Variants in RBFOX1 observed in about 807,000 individuals in gnomAD.
RBFOX1 encodes RNA binding protein fox-1 homolog 1.
RBFOX1 carries 8 observed loss-of-function variants against 57.7 expected under a neutral mutation model. The observed-to-expected ratio is 0.14, with a 90% confidence interval of 0.08 to 0.25. RBFOX1 has a LOEUF of 0.25. Among genes scored for constraint, RBFOX1 ranks in the 10% least tolerant of loss-of-function variants. RBFOX1 has a pLI of 1.00. For missense variants in RBFOX1, 611 were observed against 548.5 expected (o/e 1.11, Z -1.14); for synonymous variants, 326 against 222.4 (o/e 1.47, Z -4.15).
At chr16:5,504,915 G>A (rs533641908) in intron 2 of RBFOX1, among the ~76,000 whole-genome samples, 5 of 152,272 alleles carry the variant, frequency 3.3e-5, no homozygotes, top group South Asian at 2.1e-4. Context: ...GAGACAGACA[G>A]TGAATCCCTA....
intron 1 of RBFOX1, among the ~76,000 whole-genome samples, chr16:6,118,601 C>G (rs984138846): frequency 2.6e-5 from 4 of 151,782 alleles, no homozygotes; most frequent in Admixed American, 2.6e-4. Context: ...CCCTCTCTTT[C>G]TCTGTCTCTC....
At chr16:7,661,119 G>A (rs2067610790) in intron 12 of RBFOX1, among the ~76,000 whole-genome samples, 1 of 152,142 alleles carries the variant, frequency 6.6e-6, no homozygotes, top group Admixed American at 6.5e-5. Flanking sequence ...GAAAAACAAT[G>A]TTTTGGTAAA....
chr16:7,111,086 G>A (rs1157621658), intron 4 of RBFOX1, among the ~76,000 whole-genome samples: 1 of 152,138 alleles, frequency 6.6e-6, no homozygotes, highest in Non-Finnish European at 1.5e-5. Context: ...AAATAACTGT[G>A]GTTCACTATG....
intron 4 of RBFOX1, among the ~76,000 whole-genome samples, chr16:7,368,389 C>T (rs2097503120): frequency 6.6e-6 from 1 of 151,898 alleles, no homozygotes; most frequent in Non-Finnish European, 1.5e-5. Context: ...TGAAAGTTTA[C>T]GTATTACCAG....
chr16:7,241,241 T>G (rs565889367), intron 4 of RBFOX1, among the ~76,000 whole-genome samples: 5 of 152,282 alleles, frequency 3.3e-5, no homozygotes, highest in African/African-American at 9.6e-5. Flanking sequence ...TTTATTCTCA[T>G]TAGCTGAATT....
intron 3 of RBFOX1, among the ~76,000 whole-genome samples, chr16:7,013,419 A>C (rs1293348268): frequency 2.0e-5 from 3 of 152,294 alleles, no homozygotes; most frequent in East Asian, 3.9e-4. Flanking sequence ...ATGTCTGGAG[A>C]CATGTTTGGT....
At chr16:6,178,634 A>G (rs1471969477) in intron 1 of RBFOX1, among the ~76,000 whole-genome samples, 1 of 152,168 alleles carries the variant, frequency 6.6e-6, no homozygotes, top group East Asian at 1.9e-4. Flanking sequence ...TCTTGTATTA[A>G]TCCCTTGGTT....
chr16:5,617,670 G>T (rs543467127), intron 3 of RBFOX1, among the ~76,000 whole-genome samples: 1 of 152,278 alleles, frequency 6.6e-6, no homozygotes, highest in South Asian at 2.1e-4. Flanking sequence ...TTGTTTCTGA[G>T]GACTATACCC....
intron 3 of RBFOX1, among the ~76,000 whole-genome samples, chr16:6,777,427 A>C (rs2079563696): frequency 6.6e-6 from 1 of 152,164 alleles, no homozygotes; most frequent in Admixed American, 6.5e-5. Flanking sequence ...CAAAGAAACC[A>C]ACCAAATAAC....
At chr16:7,162,268 T>A (rs1352390478) in intron 4 of RBFOX1, among the ~76,000 whole-genome samples, 2 of 152,176 alleles carry the variant, frequency 1.3e-5, no homozygotes, top group Non-Finnish European at 1.5e-5. Context: ...TTATATTTCC[T>A]CTCTCTCCAT....
intron 3 of RBFOX1, among the ~76,000 whole-genome samples, chr16:6,816,512 C>A (rs929553251): frequency 2.0e-5 from 3 of 150,008 alleles, no homozygotes; most frequent in African/African-American, 7.4e-5. Context: ...GAAGCCAAGG[C>A]GGACAGATCA....
intron 1 of RBFOX1, among the ~76,000 whole-genome samples, chr16:6,021,262 G>C (rs1356186743): frequency 6.6e-6 from 1 of 152,084 alleles, no homozygotes; most frequent in Admixed American, 6.5e-5. Flanking sequence ...GACAGCCCAA[G>C]TTTAGGACAT....
chr16:7,628,762 G>A (rs1327933147), intron 10 of RBFOX1, among the ~76,000 whole-genome samples: 4 of 151,970 alleles, frequency 2.6e-5, no homozygotes, highest in African/African-American at 9.7e-5. Context: ...ACAGGCGCCT[G>A]CCACCACACC....
At chr16:6,280,898 G>A (rs1321457053) in intron 1 of RBFOX1, among the ~76,000 whole-genome samples, 3 of 151,702 alleles carry the variant, frequency 2.0e-5, no homozygotes, top group African/African-American at 4.8e-5. Context: ...GTCTAGGAGC[G>A]TGCTCAGTCT....
intron 1 of RBFOX1, among the ~76,000 whole-genome samples, chr16:6,122,215 A>AT (rs1166253352): frequency 3.9e-5 from 6 of 151,914 alleles, no homozygotes; most frequent in African/African-American, 1.2e-4. Context: ...CCTTTTTGTT[A>AT]TTTTTTAATG....
chr16:6,675,966 C>G (rs1358673156), intron 3 of RBFOX1, among the ~76,000 whole-genome samples: 1 of 151,942 alleles, frequency 6.6e-6, no homozygotes, highest in Non-Finnish European at 1.5e-5. Context: ...TTTGGACAAG[C>G]GTCAGCTTTA....
chr16:7,673,862 G>T (rs974417784), intron 13 of RBFOX1, among the ~76,000 whole-genome samples: 4 of 152,150 alleles, frequency 2.6e-5, no homozygotes, highest in Admixed American at 2.6e-4. Flanking sequence ...AAATTTAATT[G>T]TCAATGACAC....
intron 3 of RBFOX1, among the ~76,000 whole-genome samples, chr16:6,926,738 A>C (rs1246548477): frequency 6.6e-6 from 1 of 152,142 alleles, no homozygotes; most frequent in African/African-American, 2.4e-5. Flanking sequence ...GGTGAAAGAG[A>C]GCACACTTCT....
intron 9 of RBFOX1, among the ~76,000 whole-genome samples, chr16:7,604,506 TA>T (rs1267856376): frequency 4.6e-5 from 7 of 152,330 alleles, no homozygotes; most frequent in African/African-American, 1.4e-4. Flanking sequence ...TTATTTTCTT[TA>T]TTTTTTTATG....
Sources: gnomAD v4.1 joint callset for allele counts (sites outside exome capture counted in the v4.1 genomes callset) on GRCh38, gnomAD v4.1.1 for gene constraint, MANE v1.5 for transcripts, NCBI Gene and HGNC (gene_info 2026-07-23, HGNC 2026-07-21) for gene names.